AFAP1: variants seen among roughly 807,000 people sequenced by gnomAD.
The protein encoded by AFAP1 is actin filament associated protein 1, also known as actin filament-associated protein 1.
A neutral mutation model predicts 93.9 loss-of-function variants in AFAP1; 75 were observed. That is an observed-to-expected ratio of 0.80 (90% CI 0.66 to 0.97). AFAP1 has a LOEUF of 0.97. Among genes scored for constraint, AFAP1 ranks in the 50% least tolerant of loss-of-function variants. The pLI is 0.00. For synonymous variants in AFAP1, 517 were observed against 430.7 expected (o/e 1.20, Z -2.48); for missense variants, 1,201 against 1,050.8 (o/e 1.14, Z -1.98).
intron 11 of AFAP1, among the ~76,000 whole-genome samples, chr4:7,787,109 CATG>C (rs1270183243): frequency 2.0e-5 from 3 of 152,258 alleles, no homozygotes; most frequent in African/African-American, 4.8e-5. Context: ...GAATTTCATA[CATG>C]AAGAGTAGGA....
intron 11 of AFAP1, among the ~76,000 whole-genome samples, chr4:7,788,378 C>T (rs1717513017): frequency 6.6e-6 from 1 of 152,250 alleles, no homozygotes; most frequent in African/African-American, 2.4e-5. Context: ...CTTGGGGCTC[C>T]GGGCTGGGCT....
At position 7,819,158 on chromosome 4, in the gene AFAP1, G is replaced by C. The variant is rs745489376; in HGVS notation, c.740C>G (p.Ala247Gly). Residue 247 changes from alanine to glycine, a missense_variant, in exon 7 of 18, where the codon GCC (alanine) becomes GGC (glycine). By Grantham distance (60) the Ala-to-Gly change is moderately conservative. Coordinates refer to ENST00000420658, the MANE Select transcript of AFAP1 (RefSeq NM_001134647.2). ...CACGGGGCCACTACAACCACTGTAG[G>C]CTTCTTTGATCACCTATAAAAAGCA... Reference protein sequence around the residue: ...AEQWLKVIKEAYSGCSGPVDS... With the variant: ...AEQWLKVIKEGYSGCSGPVDS... 4 of 1,611,640 alleles carry C rather than the reference G, an allele frequency of 2.5e-6. No individual in the cohort carries two copies. In the African/African-American group the frequency reaches 4.0e-5, roughly 16 times the overall value.
At chr4:7,823,901 T>A (rs1341185901) in intron 6 of AFAP1, among the ~76,000 whole-genome samples, 2 of 152,186 alleles carry the variant, frequency 1.3e-5, no homozygotes, top group African/African-American at 4.8e-5. Flanking sequence ...TTCGTGGGAC[T>A]CTCTTCCCCC....
chr4:7,888,201 T>C (rs905267473), intron 1 of AFAP1, among the ~76,000 whole-genome samples: 9 of 152,256 alleles, frequency 5.9e-5, no homozygotes, highest in African/African-American at 2.2e-4. Flanking sequence ...AATGAAATTG[T>C]GACATTTTAG....
intron 6 of AFAP1, among the ~76,000 whole-genome samples, chr4:7,823,195 G>A (rs377356033): frequency 5.5e-4 from 83 of 152,178 alleles, no homozygotes; most frequent in Non-Finnish European, 1.1e-3. Context: ...GAGGGGCTGG[G>A]CCTTGCTTTT....
chr4:7,863,433 G>A lies in AFAP1; in HGVS notation c.225+5189C>T, dbSNP rs150068094. Among the ~76,000 whole-genome samples, 1,475 of 151,048 alleles carry A rather than the reference G, an allele frequency of 9.8e-3. 10 individuals are homozygous for A. Among genetic ancestry groups the A allele is most frequent in the Non-Finnish European group, 0.016 (1,088 of 67,960 alleles). ...GACTGCCAAGAAAGAACGAAAGAAC[G>A]AAAGAAAGAAAGAAGGAAAGAAAAT... is the stretch of plus-strand genomic sequence containing the variant. On this transcript the variant is annotated intron_variant, in intron 3 of 17. Coordinates refer to ENST00000420658, the MANE Select transcript of AFAP1 (RefSeq NM_001134647.2).
Position 7,817,234 on chromosome 4 carries a change from C to G in AFAP1, c.823-1135G>C, listed in dbSNP as rs151021043. On this transcript the variant is annotated intron_variant, in intron 7 of 17. Coordinates refer to ENST00000420658, the MANE Select transcript of AFAP1 (RefSeq NM_001134647.2). ...GTAATTCAGCTTCCAGAAATCTATTCTCAGGTAATAGGCAGAGAATCAGCA... is the reference window on the plus strand; with the variant it reads ...GTAATTCAGCTTCCAGAAATCTATTGTCAGGTAATAGGCAGAGAATCAGCA... Among the ~76,000 whole-genome samples the G allele has an allele frequency of 3.5e-4, 54 of 152,264 alleles. 1 individual carries two copies. The East Asian group carries it at 7.7e-3, about 22-fold the overall frequency.
At chr4:7,781,758 G>C in intron 12 of AFAP1, 131 bp from the exon 13 acceptor site, 1 of 1,211,358 alleles carries the variant, frequency 8.3e-7, no homozygotes, top group Non-Finnish European at 1.1e-6. Flanking sequence ...CCTGCACACA[G>C]ACTGCAGTTG....
chr4:7,763,614 G>A lies in AFAP1; in HGVS notation c.*151C>T, dbSNP rs948979160. 4 of 778,442 alleles carry A rather than the reference G, an allele frequency of 5.1e-6. No individual in the cohort carries two copies. In the African/African-American group the frequency reaches 5.3e-5, roughly 10 times the overall value. 48.2% of individuals were successfully genotyped at this position (778,442 alleles called of 1,614,324 possible). The stretch of plus-strand genomic sequence containing the variant: ...CAGTAGAAAGAATACAAGTGGGCCT[G>A]GGGGACAGGCACTGGCCTCAGAGCT... On this transcript the variant is annotated 3_prime_UTR_variant, in exon 18 of 18. Coordinates refer to ENST00000420658, the MANE Select transcript of AFAP1 (RefSeq NM_001134647.2).
Position 7,851,306 on chromosome 4 carries a change from G to A in AFAP1, c.334+4160C>T, listed in dbSNP as rs183904145. Among the ~76,000 whole-genome samples the A allele has an allele frequency of 7.4e-4, 112 of 152,262 alleles. 1 individual carries two copies. The highest frequency in any genetic ancestry group is 2.6e-3 in the African/African-American group (106 of 41,558). On this transcript the variant is annotated intron_variant, in intron 4 of 17. Transcript: ENST00000420658. ...GGGCACTCCATCCTCAAGTCAAAGC[G>A]GGTGTGTGACAGCAGGCTCCATCCA...
chr4:7,814,571 A>AT (rs1386721440), intron 8 of AFAP1, among the ~76,000 whole-genome samples: 3 of 152,254 alleles, frequency 2.0e-5, no homozygotes, highest in Admixed American at 2.0e-4. Context: ...ACACAGTGGA[A>AT]TGCCTCCAGC....
intron 2 of AFAP1, among the ~76,000 whole-genome samples, chr4:7,868,927 AAAAGAG>A (rs549538142): frequency 2.7e-3 from 412 of 152,212 alleles, no homozygotes; most frequent in African/African-American, 3.3e-3. Context: ...GAAAGAAAAG[AAAAGAG>A]AAAGAGAAAG....
intron 4 of AFAP1, among the ~76,000 whole-genome samples, chr4:7,853,076 G>C (rs1285221631): frequency 1.3e-5 from 2 of 152,176 alleles, no homozygotes; most frequent in Non-Finnish European, 2.9e-5. Context: ...TGGGTGCCAA[G>C]GTGACCAAAG....
intron 8 of AFAP1, among the ~76,000 whole-genome samples, chr4:7,814,918 G>C (rs1177940350): frequency 2.6e-5 from 4 of 152,218 alleles, no homozygotes; most frequent in African/African-American, 9.7e-5. Context: ...TCTCCAGAAA[G>C]CTGGCCTGAA....
At chr4:7,912,276 T>A (rs1054521788) in intron 1 of AFAP1, among the ~76,000 whole-genome samples, 2 of 152,218 alleles carry the variant, frequency 1.3e-5, no homozygotes, top group South Asian at 2.1e-4. Context: ...CATATGGCTT[T>A]TGTGTGAAGG....
At chr4:7,920,261 G>A (rs907800915) in intron 1 of AFAP1, among the ~76,000 whole-genome samples, 1 of 152,106 alleles carries the variant, frequency 6.6e-6, no homozygotes, top group African/African-American at 2.4e-5. Context: ...CCCACCAACA[G>A]TATTTGAATT....
intron 4 of AFAP1, among the ~76,000 whole-genome samples, chr4:7,848,199 A>C (rs1714007370): frequency 1.6e-5 from 1 of 61,580 alleles, no homozygotes; most frequent in Admixed American, 1.7e-4. Flanking sequence ...GGAAGGAAGG[A>C]AGCAAGGGAG....
At chr4:7,863,573 C>A (rs926965174) in intron 3 of AFAP1, among the ~76,000 whole-genome samples, 2 of 152,178 alleles carry the variant, frequency 1.3e-5, no homozygotes, top group Non-Finnish European at 2.9e-5. Context: ...ACATCCCACA[C>A]GTGTGACTTC....
chr4:7,841,400 C>T (rs1263289229), intron 5 of AFAP1, among the ~76,000 whole-genome samples: 1 of 152,244 alleles, frequency 6.6e-6, no homozygotes, highest in Non-Finnish European at 1.5e-5. Context: ...CTCACCAGCC[C>T]TGCCAAGGAA....
Sources: gnomAD v4.1 joint callset for allele counts (sites outside exome capture counted in the v4.1 genomes callset) on GRCh38, gnomAD v4.1.1 for gene constraint, MANE v1.5 for transcripts, NCBI Gene and HGNC (gene_info 2026-07-23, HGNC 2026-07-21) for gene names.